CDH12: variants seen among roughly 807,000 people sequenced by gnomAD.
The protein encoded by CDH12 is cadherin 12, also known as cadherin-12.
A neutral mutation model predicts 74.1 loss-of-function variants in CDH12; 41 were observed. The ratio of observed to expected loss-of-function variants is 0.55; its 90% CI spans 0.43 to 0.72. The LOEUF is 0.72. Ranked by LOEUF, CDH12 falls within the 30% of genes least tolerant of loss-of-function variation. The probability of loss-of-function intolerance (pLI) is 0.00; values close to 1 mark genes in which losing one functional copy is unlikely to be tolerated. For synonymous variants in CDH12, 399 were observed against 355.0 expected, an observed-to-expected ratio of 1.12 and a Z score of -1.39; for missense variants, 945 against 977.2, an observed-to-expected ratio of 0.97 and a Z score of 0.44.
chr5:22,658,334 G>GTA (rs1395803923), intron 1 of CDH12, among the ~76,000 whole-genome samples: 1 of 152,042 alleles, frequency 6.6e-6, no homozygotes, highest in Non-Finnish European at 1.5e-5. Flanking sequence ...TTGAACGACT[G>GTA]TGATAAAGCA....
chr5:22,347,651 A>C (rs530011880), intron 3 of CDH12, among the ~76,000 whole-genome samples: 8 of 152,278 alleles, frequency 5.3e-5, no homozygotes, highest in Admixed American at 5.2e-4. Flanking sequence ...CCCTCTAAAG[A>C]ATCCTGACTA....
At chr5:21,812,079 T>C (rs1173516235) in intron 9 of CDH12, among the ~76,000 whole-genome samples, 1 of 152,048 alleles carries the variant, frequency 6.6e-6, no homozygotes, top group East Asian at 1.9e-4. Context: ...TAAAAGATTT[T>C]GAAGATAAAA....
chr5:22,134,334 T>C (rs1440679875), intron 4 of CDH12, among the ~76,000 whole-genome samples: 1 of 152,114 alleles, frequency 6.6e-6, no homozygotes, highest in African/African-American at 2.4e-5. Flanking sequence ...TAGTCAGTGA[T>C]ATGGACTTCA....
At chr5:21,919,494 C>T (rs1316139689) in intron 6 of CDH12, among the ~76,000 whole-genome samples, 1 of 151,928 alleles carries the variant, frequency 6.6e-6, no homozygotes, top group African/African-American at 2.4e-5. Flanking sequence ...CATAAGCTGC[C>T]TATTCACCCT....
At chr5:22,569,846 G>A (rs1285111551) in intron 1 of CDH12, among the ~76,000 whole-genome samples, 2 of 151,988 alleles carry the variant, frequency 1.3e-5, no homozygotes, top group African/African-American at 2.4e-5. Flanking sequence ...TCATCGAGAA[G>A]GGTTGGAATC....
At chr5:22,217,783 A>C (rs1423503339) in intron 3 of CDH12, among the ~76,000 whole-genome samples, 3 of 151,822 alleles carry the variant, frequency 2.0e-5, no homozygotes, top group African/African-American at 7.2e-5. Context: ...AATATTAATG[A>C]ATAATATTGC....
intron 4 of CDH12, among the ~76,000 whole-genome samples, chr5:22,197,819 A>G (rs1750709739): frequency 6.6e-6 from 1 of 152,142 alleles, no homozygotes; most frequent in African/African-American, 2.4e-5. Flanking sequence ...AGTCTCTCAA[A>G]AAGTATGAAT....
At chr5:22,245,987 T>G (rs2150384098) in intron 3 of CDH12, among the ~76,000 whole-genome samples, 1 of 152,284 alleles carries the variant, frequency 6.6e-6, no homozygotes, top group East Asian at 1.9e-4. Flanking sequence ...ATCAATGGAA[T>G]AACTATGTAA....
intron 3 of CDH12, among the ~76,000 whole-genome samples, chr5:22,404,220 G>A: frequency 6.6e-6 from 1 of 151,518 alleles, no homozygotes; most frequent in East Asian, 1.9e-4. Flanking sequence ...TTTGAGGTCT[G>A]GCAATCTAAA....
At chr5:22,721,892 C>T (rs1743915623) in intron 1 of CDH12, among the ~76,000 whole-genome samples, 1 of 152,104 alleles carries the variant, frequency 6.6e-6, no homozygotes, top group Non-Finnish European at 1.5e-5. Flanking sequence ...TCTCCTTCTC[C>T]TTCTGCCATG....
intron 1 of CDH12, among the ~76,000 whole-genome samples, chr5:22,507,109 G>A (rs1485192190): frequency 1.3e-5 from 2 of 151,914 alleles, no homozygotes; most frequent in Non-Finnish European, 2.9e-5. Flanking sequence ...AGTTCATTAC[G>A]CTTGAAAAAG....
intron 6 of CDH12, among the ~76,000 whole-genome samples, chr5:21,872,029 G>T (rs2150020124): frequency 6.6e-6 from 1 of 152,252 alleles, no homozygotes; most frequent in Admixed American, 6.5e-5. Flanking sequence ...ATGAAATAAT[G>T]AAAACCTTTA....
intron 5 of CDH12, among the ~76,000 whole-genome samples, chr5:21,984,589 T>C (rs536335612): frequency 3.3e-5 from 5 of 152,310 alleles, no homozygotes; most frequent in African/African-American, 1.2e-4. Context: ...AAATTGGCCA[T>C]CTTCTCTGAT....
Position 22,797,919 on chromosome 5 carries a change from C to G in CDH12, c.-523+55139G>C, listed in dbSNP as rs116166589. 7.0e-3 allele frequency among the ~76,000 whole-genome samples: 1,063 copies of G among 152,176 alleles called. 9 individuals are homozygous for G. The highest frequency in any genetic ancestry group is 0.024 in the African/African-American group (1,010 of 41,522). On this transcript the variant is annotated intron_variant, in intron 1 of 14. Coordinates refer to ENST00000382254, the MANE Select transcript of CDH12 (RefSeq NM_004061.5). ...AGTGTTGCTTTTGAGGAATAAATAACCTAATGCGTTTTGGTACAGTACCAT... is the reference window on the plus strand; with the variant it reads ...AGTGTTGCTTTTGAGGAATAAATAAGCTAATGCGTTTTGGTACAGTACCAT...
At chr5:22,680,202 A>G (rs1741419711) in intron 1 of CDH12, among the ~76,000 whole-genome samples, 1 of 151,996 alleles carries the variant, frequency 6.6e-6, no homozygotes, top group Non-Finnish European at 1.5e-5. Flanking sequence ...TCATTAACTA[A>G]CTGTATGGCC....
intron 1 of CDH12, among the ~76,000 whole-genome samples, chr5:22,649,405 G>C (rs892891497): frequency 6.6e-6 from 1 of 152,004 alleles, no homozygotes; most frequent in Non-Finnish European, 1.5e-5. Context: ...TCTATGCATT[G>C]TGGTACCACA....
chr5:22,636,873 G>C (rs1251794867), intron 1 of CDH12, among the ~76,000 whole-genome samples: 1 of 152,172 alleles, frequency 6.6e-6, no homozygotes, highest in Non-Finnish European at 1.5e-5. Context: ...AAATGCAGTG[G>C]TACTCTGTGG....
chr5:22,510,388 C>G (rs915065309), intron 1 of CDH12, among the ~76,000 whole-genome samples: 1 of 151,706 alleles, frequency 6.6e-6, no homozygotes, highest in Non-Finnish European at 1.5e-5. Context: ...GGAAAAAAAA[C>G]GTATGTTATT....
At chr5:21,765,320 T>C (rs1744961045) in intron 11 of CDH12, among the ~76,000 whole-genome samples, 1 of 152,136 alleles carries the variant, frequency 6.6e-6, no homozygotes, top group African/African-American at 2.4e-5. Flanking sequence ...ATTGATATTT[T>C]AGCATAAGTG....
Sources: allele counts gnomAD v4.1 joint callset (sites outside exome capture counted in the v4.1 genomes callset), GRCh38; gene constraint gnomAD v4.1.1; transcripts MANE v1.5; gene names NCBI Gene and HGNC (gene_info 2026-07-23, HGNC 2026-07-21).